IL1RAPL1: variants seen among roughly 807,000 people sequenced by gnomAD.
IL1RAPL1 encodes the protein interleukin 1 receptor accessory protein like 1.
IL1RAPL1 carries 3 observed loss-of-function variants against 48.4 expected under a neutral mutation model. The ratio of observed to expected loss-of-function variants is 0.06; its 90% CI spans 0.03 to 0.16. The LOEUF (loss-of-function observed/expected upper bound fraction) is 0.16. Ranked by LOEUF, IL1RAPL1 falls within the 10% of genes least tolerant of loss-of-function variation. The pLI is 1.00. For synonymous variants in IL1RAPL1, 185 were observed against 187.7 expected, an observed-to-expected ratio of 0.99 and a Z score of 0.12; for missense variants, 349 against 530.6, an observed-to-expected ratio of 0.66 and a Z score of 3.36.
At chrX:29,766,495 A>T (rs892596879) in intron 6 of IL1RAPL1, among the ~76,000 whole-genome samples, 1 of 96,276 alleles carries the variant, frequency 1.0e-5, no homozygotes, top group Non-Finnish European at 2.0e-5. Context: ...ATATATATTT[A>T]TATATATATG....
intron 5 of IL1RAPL1, among the ~76,000 whole-genome samples, chrX:29,462,925 A>T (rs1012527935): frequency 8.9e-6 from 1 of 111,747 alleles, no homozygotes; most frequent in African/African-American, 3.3e-5. Context: ...GGAGCTTGAC[A>T]TTTAATATTG....
intron 2 of IL1RAPL1, among the ~76,000 whole-genome samples, chrX:29,281,140 T>C (rs1932195889): frequency 8.9e-6 from 1 of 111,941 alleles, no homozygotes; most frequent in South Asian, 3.7e-4. Flanking sequence ...TTATTTATCC[T>C]GTTCTCAGAG....
At chrX:29,871,884 G>A (rs1042782876) in intron 6 of IL1RAPL1, among the ~76,000 whole-genome samples, 1 of 109,971 alleles carries the variant, frequency 9.1e-6, no homozygotes, top group Non-Finnish European at 1.9e-5. Flanking sequence ...CCACCACGCC[G>A]GGCTAATTTT....
chrX:28,814,435 G>A (rs1045861221), intron 2 of IL1RAPL1, among the ~76,000 whole-genome samples: 1 of 107,034 alleles, frequency 9.3e-6, no homozygotes, highest in South Asian at 4.1e-4. Context: ...AGTTTTGCTT[G>A]TTTCACTAGG....
intron 6 of IL1RAPL1, among the ~76,000 whole-genome samples, chrX:29,779,619 TAATAAAAA>T (rs1455765553): frequency 9.1e-6 from 1 of 110,223 alleles, no homozygotes; most frequent in Non-Finnish European, 1.9e-5. Flanking sequence ...AGTGAAAAAA[TAATAAAAA>T]AATAAAACAG....
chrX:28,897,690 C>T (rs182075911), intron 2 of IL1RAPL1, among the ~76,000 whole-genome samples: 5 of 111,960 alleles, frequency 4.5e-5, no homozygotes, highest in East Asian at 2.8e-4. Flanking sequence ...CCCCCCTCCC[C>T]GATCTGAGTC....
At chrX:29,590,923 A>G (rs1923350825) in intron 5 of IL1RAPL1, among the ~76,000 whole-genome samples, 1 of 112,541 alleles carries the variant, frequency 8.9e-6, no homozygotes, top group African/African-American at 3.2e-5. Context: ...GTAACGTGCC[A>G]TAGCCATAAA....
At chrX:28,730,729 T>C (rs1312022258) in intron 1 of IL1RAPL1, among the ~76,000 whole-genome samples, 4 of 111,647 alleles carry the variant, frequency 3.6e-5, no homozygotes, top group African/African-American at 6.5e-5. Context: ...GTTCAGAAAG[T>C]TTTTCTTGCT....
intron 5 of IL1RAPL1, among the ~76,000 whole-genome samples, chrX:29,549,943 C>T (rs1921748666): frequency 9.0e-6 from 1 of 111,684 alleles, no homozygotes; most frequent in Non-Finnish European, 1.9e-5. Flanking sequence ...CAGAAGTATG[C>T]ATTATACAGT....
Position 29,353,932 on chromosome X carries a change from G to T in IL1RAPL1, c.363-42326G>T, listed in dbSNP as rs757743035. Among the ~76,000 whole-genome samples, 9 of 106,773 alleles carry T rather than the reference G, an allele frequency of 8.4e-5. No homozygotes were observed. In the East Asian group the frequency reaches 2.1e-3, roughly 25 times the overall value. The allele number at this position is 106,773 out of a possible 115,157, so 92.7% of individuals were successfully genotyped here. ...GTAAGTGTTTTGTGTTTTGCATATA[G>T]TTTCTCATTGAATCCTCAGAAAACC... On this transcript the variant is annotated intron_variant, in intron 3 of 10. Transcript: ENST00000378993.
At chrX:29,895,377 C>T (rs776875966) in intron 6 of IL1RAPL1, among the ~76,000 whole-genome samples, 63 of 110,016 alleles carry the variant, frequency 5.7e-4, no homozygotes, top group Non-Finnish European at 8.7e-4. Flanking sequence ...ATGGTGAAAC[C>T]TCATCTATAC....
rs1933398821 is a variant in IL1RAPL1, at chrX:29,955,376, C to T, written c.1647C>T (p.Ser549=). ...GACCAAAATGCAACAAGTTGAACTC[C>T]AAGTTCTGGAAACGTTTACAGTATG... ...WHGPKCNKLN[S]KFWKRLQYEM... is the part of the protein sequence containing the mutation. The change falls in exon 11 of 11, where the codon TCC becomes TCT. Residue 549 remains serine (S), a synonymous_variant. Coordinates refer to ENST00000378993, the MANE Select transcript of IL1RAPL1 (RefSeq NM_014271.4). 8.3e-7 allele frequency: 1 copy of T among 1,209,408 alleles called. No homozygotes were observed. Among genetic ancestry groups the T allele is most frequent in the Admixed American group, 2.2e-5 (1 of 45,685 alleles).
At chrX:29,183,997 CT>C (rs748247901) in intron 2 of IL1RAPL1, among the ~76,000 whole-genome samples, 1 of 112,159 alleles carries the variant, frequency 8.9e-6, no homozygotes, top group East Asian at 2.8e-4. Flanking sequence ...TCCAGCCCCC[CT>C]TTTTTTAAAA....
chrX:28,768,729 GTCTCTCTC>G (rs1203182036), intron 1 of IL1RAPL1, among the ~76,000 whole-genome samples: 37 of 50,720 alleles, frequency 7.3e-4, no homozygotes, highest in South Asian at 3.3e-3. Context: ...CTCTCTCTCT[GTCTCTCTC>G]TCTCTCTCTC....
chrX:29,199,035 C>T (rs1038212476), intron 2 of IL1RAPL1, among the ~76,000 whole-genome samples: 1 of 111,595 alleles, frequency 9.0e-6, no homozygotes, highest in African/African-American at 3.3e-5. Context: ...GGAACTAATT[C>T]ATGTCCATGA....
At chrX:29,038,627 G>A (rs1926779045) in intron 2 of IL1RAPL1, among the ~76,000 whole-genome samples, 1 of 111,666 alleles carries the variant, frequency 9.0e-6, no homozygotes, top group African/African-American at 3.3e-5. Context: ...CAAAGGGACA[G>A]AGTTTTAAAA....
intron 3 of IL1RAPL1, among the ~76,000 whole-genome samples, chrX:29,382,153 G>A (rs781388530): frequency 6.3e-5 from 7 of 110,802 alleles, no homozygotes; most frequent in Non-Finnish European, 1.1e-4. Context: ...GAAGGAAATG[G>A]TGTCCAGTTA....
At chrX:29,095,234 G>A (rs1455506091) in intron 2 of IL1RAPL1, among the ~76,000 whole-genome samples, 3 of 111,147 alleles carry the variant, frequency 2.7e-5, no homozygotes, top group Non-Finnish European at 5.7e-5. Context: ...TTAGAAAGGT[G>A]TTGTTTTTGC....
intron 2 of IL1RAPL1, among the ~76,000 whole-genome samples, chrX:28,976,306 A>G (rs1261573333): frequency 8.9e-6 from 1 of 111,791 alleles, no homozygotes; most frequent in Non-Finnish European, 1.9e-5. Context: ...AATGATGATG[A>G]CTTGGTTTAT....
Sources: gnomAD v4.1 joint callset for allele counts (sites outside exome capture counted in the v4.1 genomes callset) on GRCh38, gnomAD v4.1.1 for gene constraint, MANE v1.5 for transcripts, NCBI Gene and HGNC (gene_info 2026-07-23, HGNC 2026-07-21) for gene names.